TECPR2: variants seen among roughly 807,000 people sequenced by gnomAD.
The protein encoded by TECPR2 is tectonin beta-propeller repeat containing 2.
Under a neutral mutation model 138.1 loss-of-function variants are expected in TECPR2, and 65 were observed. The ratio of observed to expected loss-of-function variants is 0.47; its 90% confidence interval spans 0.39 to 0.58. The LOEUF is 0.58. Among genes scored for constraint, TECPR2 ranks in the 20% least tolerant of loss-of-function variants. The pLI is 0.00. For synonymous variants in TECPR2, 746 were observed against 749.8 expected, an observed-to-expected ratio of 0.99 and a Z score of 0.08; for missense variants, 1,553 against 1,824.5, an observed-to-expected ratio of 0.85 and a Z score of 2.71.
Position 102,443,555 on chromosome 14 carries a change from C to CA in TECPR2, c.2753-86dup, listed in dbSNP as rs1460609788. ...ATCATAAAAGAATATAGCAAAATAC[C>CA]AAAAAAGGAAAAATAAGCCAATAAC... On this transcript the variant is annotated intron_variant, in intron 11 of 19. Transcript: ENST00000359520. The surrounding 1 kb of genome is among the most constrained non-coding windows in gnomAD (Gnocchi z 4.9). 1.4e-5 allele frequency: 18 copies of CA among 1,256,614 alleles called. No homozygotes were observed. Among genetic ancestry groups the CA allele is most frequent in the Non-Finnish European group, 1.8e-5 (17 of 971,148 alleles). 77.8% of individuals were successfully genotyped at this position (1,256,614 alleles called of 1,614,324 possible).
intron 17 of TECPR2, among the ~76,000 whole-genome samples, chr14:102,473,642 T>TC (rs1890695112): frequency 6.6e-6 from 1 of 152,212 alleles, no homozygotes; most frequent in African/African-American, 2.4e-5. Context: ...AAGATACCCC[T>TC]CCTGTAGTAG....
intron 17 of TECPR2, among the ~76,000 whole-genome samples, chr14:102,488,786 T>C (rs927484212): frequency 6.6e-6 from 1 of 152,160 alleles, no homozygotes; most frequent in African/African-American, 2.4e-5. Context: ...TTTTTTTTTT[T>C]CTAAATTGTG....
At position 102,443,546 on chromosome 14, in the gene TECPR2, G is replaced by T; in HGVS notation, c.2753-101G>T. On this transcript the variant is annotated intron_variant, in intron 11 of 19. Coordinates refer to ENST00000359520, the MANE Select transcript of TECPR2 (RefSeq NM_014844.5). This position sits in a 1 kb window ranked among gnomAD's most constrained non-coding sequence, Gnocchi z 4.9. ...AAAGCACTCATCATAAAAGAATATA[G>T]CAAAATACCAAAAAAGGAAAAATAA... 1 of 1,185,668 alleles carries T rather than the reference G, an allele frequency of 8.4e-7. No homozygotes were observed. Among genetic ancestry groups the T allele is most frequent in the Non-Finnish European group, 1.1e-6 (1 of 908,790 alleles). The allele number at this position is 1,185,668 out of a possible 1,614,324, so 73.4% of individuals were successfully genotyped here.
chr14:102,488,961 A>C (rs954807899), intron 17 of TECPR2, among the ~76,000 whole-genome samples: 1 of 150,948 alleles, frequency 6.6e-6, no homozygotes, highest in Admixed American at 6.6e-5. Flanking sequence ...GGCTCACTGC[A>C]ACCTCTGCCT....
chr14:102,371,870 C>T (rs1398116606), intron 1 of TECPR2, among the ~76,000 whole-genome samples: 1 of 152,108 alleles, frequency 6.6e-6, no homozygotes, highest in Non-Finnish European at 1.5e-5. Flanking sequence ...GGAAAATACT[C>T]ATGATTTATT....
intron 15 of TECPR2, among the ~76,000 whole-genome samples, chr14:102,450,877 G>A (rs1394934833): frequency 6.6e-6 from 1 of 152,186 alleles, no homozygotes; most frequent in African/African-American, 2.4e-5. Flanking sequence ...TGAAGATGAG[G>A]GAAAGTGTCC....
chr14:102,473,284 C>T (rs1009339979), intron 17 of TECPR2, among the ~76,000 whole-genome samples: 52 of 152,254 alleles, frequency 3.4e-4, no homozygotes, highest in Admixed American at 3.4e-3. Flanking sequence ...AGGACAAAGC[C>T]TACACATGCG....
At chr14:102,396,256 C>T (rs943387477) in intron 2 of TECPR2, among the ~76,000 whole-genome samples, 7 of 152,042 alleles carry the variant, frequency 4.6e-5, no homozygotes, top group Non-Finnish European at 8.8e-5. Flanking sequence ...GCACACACCA[C>T]CACGCCAGGC....
chr14:102,425,255 T>C lies in TECPR2; in HGVS notation c.915T>C (p.Asn305=), dbSNP rs1458089544. The change falls in exon 6 of 20, where the codon AAT becomes AAC. Residue 305 remains asparagine (N), a synonymous_variant. Coordinates refer to ENST00000359520, the MANE Select transcript of TECPR2 (RefSeq NM_014844.5). The stretch of plus-strand genomic sequence containing the variant: ...AAGAAGGCTGGGTGCTGAGTTGGAA[T>C]GAATATAGTATCTATCTCCTAGACA... ...FFQEGWVLSW[N]EYSIYLLDTV... 1 of 1,611,304 alleles carries C rather than the reference T, an allele frequency of 6.2e-7. No individual in the cohort carries two copies. The highest frequency in any genetic ancestry group is 1.1e-5 in the South Asian group (1 of 90,676).
At chr14:102,417,807 G>T (rs1225107241) in intron 5 of TECPR2, among the ~76,000 whole-genome samples, 1 of 149,532 alleles carries the variant, frequency 6.7e-6, no homozygotes. Context: ...GGGAGTCCAG[G>T]GGAGCCTGGC....
chr14:102,438,093 T>C lies in TECPR2; in HGVS notation c.2466T>C (p.Tyr822=). The C allele has an allele frequency of 6.2e-7, 1 of 1,614,112 alleles. No individual in the cohort carries two copies. Among genetic ancestry groups the C allele is most frequent in the Admixed American group, 1.7e-5 (1 of 60,020 alleles). ...GILSLVVSEK[Y]IWCLDYKGGL... Reference sequence around the variant, plus strand: ...TCAGCTTGGTGGTCTCCGAGAAGTATATCTGGTGCCTGGACTACAAAGGCG... The same window carrying C: ...TCAGCTTGGTGGTCTCCGAGAAGTACATCTGGTGCCTGGACTACAAAGGCG... Residue 822 remains tyrosine, a synonymous_variant, in exon 10 of 20, where the codon TAT becomes TAC. Coordinates refer to ENST00000359520, the MANE Select transcript of TECPR2 (RefSeq NM_014844.5).
chr14:102,466,227 G>C (rs907264342), intron 17 of TECPR2, among the ~76,000 whole-genome samples: 1 of 152,094 alleles, frequency 6.6e-6, no homozygotes, highest in Non-Finnish European at 1.5e-5. Context: ...ATCAGCATTC[G>C]GCTCCAGAGC....
Position 102,498,757 on chromosome 14 carries a change from G to A in TECPR2, c.*500G>A. ...AGGGGGGTGTCCCCCCAGAGACAAAGCTGCAGAGCACATTCCATGCCAGAC... is the reference window on the plus strand; with the variant it reads ...AGGGGGGTGTCCCCCCAGAGACAAAACTGCAGAGCACATTCCATGCCAGAC... On this transcript the variant is annotated 3_prime_UTR_variant, in exon 20 of 20. Transcript: ENST00000359520. 1 of 474,796 alleles carries A rather than the reference G, an allele frequency of 2.1e-6. No individual in the cohort carries two copies. Among genetic ancestry groups the A allele is most frequent in the Non-Finnish European group, 4.1e-6 (1 of 242,042 alleles). The allele number at this position is 474,796 out of a possible 1,614,324, so 29.4% of individuals were successfully genotyped here.
chr14:102,498,837 G>A lies in TECPR2; in HGVS notation c.*580G>A, dbSNP rs1891364720. 1.6e-6 allele frequency: 1 copy of A among 619,458 alleles called. No homozygotes were observed. The highest frequency in any genetic ancestry group is 3.0e-6 in the Non-Finnish European group (1 of 329,980). The allele number at this position is 619,458 out of a possible 1,614,324, so 38.4% of individuals were successfully genotyped here. A position where few individuals can be genotyped will look rare whatever the true frequency, so the allele number is the denominator to read the frequency against. The stretch of plus-strand genomic sequence containing the variant: ...GAGAGGAGAGCGCTGGCCATGCCAG[G>A]AGAGAACCCACGCACATGCACACCA... On this transcript the variant is annotated 3_prime_UTR_variant, in exon 20 of 20. Coordinates refer to ENST00000359520, the MANE Select transcript of TECPR2 (RefSeq NM_014844.5).
chr14:102,455,696 T>C (rs1890260240), intron 16 of TECPR2, among the ~76,000 whole-genome samples: 1 of 152,138 alleles, frequency 6.6e-6, no homozygotes, highest in Non-Finnish European at 1.5e-5. Context: ...CTGCAGCCTC[T>C]GCCTCCCAGG....
intron 13 of TECPR2, 93 bp from the exon 14 acceptor site, chr14:102,449,536 G>C (rs1266503537): frequency 7.7e-6 from 12 of 1,552,602 alleles, no homozygotes; most frequent in Non-Finnish European, 9.6e-6. Context: ...AAATGCAGAG[G>C]TGTGGACCTG....
intron 2 of TECPR2, among the ~76,000 whole-genome samples, chr14:102,401,076 G>C (rs949097155): frequency 1.3e-5 from 2 of 151,746 alleles, no homozygotes; most frequent in African/African-American, 2.4e-5. Flanking sequence ...CTGTTTATTG[G>C]TTAATTACCT....
intron 13 of TECPR2, among the ~76,000 whole-genome samples, chr14:102,446,983 T>C (rs1013742440): frequency 6.6e-6 from 1 of 152,162 alleles, no homozygotes; most frequent in African/African-American, 2.4e-5. Flanking sequence ...TTGAGCTGTC[T>C]CTGCTTATTC....
At chr14:102,484,739 G>T (rs1179702116) in intron 17 of TECPR2, among the ~76,000 whole-genome samples, 1 of 152,080 alleles carries the variant, frequency 6.6e-6, no homozygotes, top group Admixed American at 6.6e-5. Context: ...GCTCACTGCA[G>T]CCTCCCCCTC....
Sources: gnomAD v4.1 joint callset for allele counts (sites outside exome capture counted in the v4.1 genomes callset) on GRCh38, gnomAD v4.1.1 for gene constraint, Gnocchi (gnomAD v3.1) non-coding constraint, MANE v1.5 for transcripts, NCBI Gene and HGNC (gene_info 2026-07-23, HGNC 2026-07-21) for gene names.